The following GRIK2 variants were observed in gnomAD, a reference collection of about 807,000 sequenced individuals.
GRIK2 encodes the protein glutamate receptor ionotropic, kainate 2.
Under a neutral mutation model 100.3 loss-of-function variants are expected in GRIK2, and 32 were observed. The observed-to-expected ratio is 0.32, with a 90% CI of 0.24 to 0.43. The LOEUF is 0.43. Ranked by LOEUF, GRIK2 falls within the 20% of genes least tolerant of loss-of-function variation. The pLI is 1.00. For missense variants in GRIK2, 843 were observed against 1,114.9 expected (o/e 0.76, Z 3.47); for synonymous variants, 417 against 389.4 (o/e 1.07, Z -0.83).
At chr6:101,892,867 A>G (rs1787197307) in intron 12 of GRIK2, among the ~76,000 whole-genome samples, 1 of 151,522 alleles carries the variant, frequency 6.6e-6, no homozygotes, top group African/African-American at 2.4e-5. Context: ...TGAATTTGAA[A>G]AAATAAAACT....
chr6:101,398,495 T>A (rs1318345280), intron 1 of GRIK2, among the ~76,000 whole-genome samples: 2 of 152,214 alleles, frequency 1.3e-5, no homozygotes, highest in Non-Finnish European at 2.9e-5. Context: ...TAAGACTCTT[T>A]CAATCTAACC....
At chr6:101,904,065 CT>C (rs1166729255) in intron 12 of GRIK2, among the ~76,000 whole-genome samples, 64 of 144,838 alleles carry the variant, frequency 4.4e-4, no homozygotes, top group South Asian at 1.1e-3. Context: ...GCCATGGGGC[CT>C]TTTTTTTTTC....
At chr6:101,994,953 A>C (rs1441027628) in intron 14 of GRIK2, among the ~76,000 whole-genome samples, 1 of 151,940 alleles carries the variant, frequency 6.6e-6, no homozygotes, top group African/African-American at 2.4e-5. Context: ...TGTTACCATC[A>C]AAATATGTCA....
chr6:101,476,966 C>G lies in GRIK2; in HGVS notation c.115+77574C>G, dbSNP rs545983616. ...TATTCGAGTCTTAAGCAATGGTTTA[C>G]CATACCAGAGTAGCAAACAATGGTT... is the stretch of plus-strand genomic sequence containing the variant. On this transcript the variant is annotated intron_variant, in intron 2 of 16. Coordinates refer to ENST00000369134, the MANE Select transcript of GRIK2 (RefSeq NM_021956.5). Among the ~76,000 whole-genome samples, 5 of 152,224 alleles carry G rather than the reference C, an allele frequency of 3.3e-5. No homozygotes were observed. The South Asian group carries it at 1.0e-3, about 32-fold the overall frequency.
chr6:101,755,055 C>G (rs1218863440), intron 7 of GRIK2, among the ~76,000 whole-genome samples: 1 of 152,004 alleles, frequency 6.6e-6, no homozygotes, highest in African/African-American at 2.4e-5. Flanking sequence ...ACAGGTTGAT[C>G]CTGAAAGCAA....
At chr6:101,433,039 G>A (rs1384683628) in intron 2 of GRIK2, among the ~76,000 whole-genome samples, 2 of 152,122 alleles carry the variant, frequency 1.3e-5, no homozygotes, top group Non-Finnish European at 2.9e-5. Flanking sequence ...AGACACAAAC[G>A]CTGAGTTGAG....
chr6:101,509,296 T>A (rs1432752856), intron 2 of GRIK2, among the ~76,000 whole-genome samples: 2 of 152,086 alleles, frequency 1.3e-5, no homozygotes, highest in Admixed American at 1.3e-4. Context: ...TAGTGCTAAG[T>A]AGGATTTAAG....
At chr6:101,566,111 T>A (rs1447931299) in intron 2 of GRIK2, among the ~76,000 whole-genome samples, 1 of 151,572 alleles carries the variant, frequency 6.6e-6, no homozygotes, top group East Asian at 1.9e-4. Flanking sequence ...GAGGGGTTGG[T>A]CTTGCTGTCT....
At chr6:101,504,024 A>G (rs183061672) in intron 2 of GRIK2, among the ~76,000 whole-genome samples, 50 of 152,298 alleles carry the variant, frequency 3.3e-4, no homozygotes, top group Admixed American at 1.2e-3. Flanking sequence ...CGACAACCAG[A>G]TATTTCTAAA....
intron 4 of GRIK2, among the ~76,000 whole-genome samples, chr6:101,657,654 T>C (rs1232670042): frequency 6.6e-6 from 1 of 152,196 alleles, no homozygotes; most frequent in Non-Finnish European, 1.5e-5. Context: ...TCTCCTGTTA[T>C]ATTCCAGTCT....
intron 2 of GRIK2, among the ~76,000 whole-genome samples, chr6:101,500,613 C>T (rs1031854713): frequency 1.3e-5 from 2 of 151,926 alleles, no homozygotes; most frequent in African/African-American, 4.8e-5. Flanking sequence ...GAAGAAAAAG[C>T]GTGAACTTGT....
intron 12 of GRIK2, among the ~76,000 whole-genome samples, chr6:101,897,520 C>T (rs1787550179): frequency 6.6e-6 from 1 of 151,760 alleles, no homozygotes; most frequent in African/African-American, 2.4e-5. Flanking sequence ...TTTTTGGAAG[C>T]TTTCTCAGTC....
chr6:101,584,572 C>G (rs1214958116), intron 2 of GRIK2, among the ~76,000 whole-genome samples: 1 of 151,814 alleles, frequency 6.6e-6, no homozygotes, highest in African/African-American at 2.4e-5. Flanking sequence ...TCTAGAAGAA[C>G]AAAGTCAAAA....
chr6:101,831,565 G>C (rs760886077), intron 10 of GRIK2, among the ~76,000 whole-genome samples: 1 of 152,082 alleles, frequency 6.6e-6, no homozygotes, highest in African/African-American at 2.4e-5. Flanking sequence ...GAGTACATTT[G>C]TTGGAATGAC....
chr6:102,000,912 C>T (rs895978017), intron 14 of GRIK2, among the ~76,000 whole-genome samples: 1 of 151,912 alleles, frequency 6.6e-6, no homozygotes, highest in African/African-American at 2.4e-5. Flanking sequence ...ATATTATGTC[C>T]TTTCTCTGCT....
intron 4 of GRIK2, among the ~76,000 whole-genome samples, chr6:101,661,727 G>A (rs1769630132): frequency 1.3e-5 from 2 of 151,974 alleles, no homozygotes; most frequent in South Asian, 4.2e-4. Context: ...GCTAGGGGAG[G>A]GAGTTCCCCA....
At chr6:101,822,528 G>A (rs922626971) in intron 10 of GRIK2, among the ~76,000 whole-genome samples, 2 of 152,020 alleles carry the variant, frequency 1.3e-5, no homozygotes, top group Non-Finnish European at 2.9e-5. Flanking sequence ...ATTATGACTG[G>A]TGCTAATGCC....
intron 12 of GRIK2, among the ~76,000 whole-genome samples, chr6:101,900,106 G>C (rs956653741): frequency 1.3e-5 from 2 of 152,042 alleles, no homozygotes; most frequent in African/African-American, 2.4e-5. Context: ...TTTTCAATTA[G>C]AGCTTCAATA....
At chr6:101,414,468 G>A (rs189345381) in intron 2 of GRIK2, among the ~76,000 whole-genome samples, 1 of 152,026 alleles carries the variant, frequency 6.6e-6, no homozygotes, top group African/African-American at 2.4e-5. Context: ...ATGTAGATTC[G>A]GTGACATATC....
Sources: gnomAD v4.1 joint callset for allele counts (sites outside exome capture counted in the v4.1 genomes callset) on GRCh38, gnomAD v4.1.1 for gene constraint, MANE v1.5 for transcripts, NCBI Gene and HGNC (gene_info 2026-07-23, HGNC 2026-07-21) for gene names.